The following SORCS2 variants were observed in gnomAD, a reference collection of about 807,000 sequenced individuals.
SORCS2 encodes sortilin related VPS10 domain containing receptor 2, also known as VPS10 domain-containing receptor SorCS2.
SORCS2 carries 100 observed loss-of-function variants against 141.6 expected under a neutral mutation model. The observed-to-expected ratio is 0.71, with a 90% CI of 0.60 to 0.83. The LOEUF is 0.83. SORCS2 is among the 40% of genes least tolerant of loss of function. SORCS2 has a pLI of 0.00. For missense variants in SORCS2, 1,646 were observed against 1,560.2 expected, an observed-to-expected ratio of 1.05 and a Z score of -0.93; for synonymous variants, 789 against 676.9, an observed-to-expected ratio of 1.17 and a Z score of -2.57.
intron 1 of SORCS2, among the ~76,000 whole-genome samples, chr4:7,200,322 T>G (rs895112877): frequency 6.6e-6 from 1 of 151,956 alleles, no homozygotes; most frequent in African/African-American, 2.4e-5. Flanking sequence ...TCCCCTGCCC[T>G]CCAACACATT....
chr4:7,478,213 G>A (rs761987074), intron 2 of SORCS2, among the ~76,000 whole-genome samples: 3 of 152,154 alleles, frequency 2.0e-5, no homozygotes, highest in Middle Eastern at 3.2e-3. Context: ...TGAGTATGCA[G>A]TGATGTGGGC....
intron 3 of SORCS2, among the ~76,000 whole-genome samples, chr4:7,581,024 T>G (rs1352410071): frequency 1.3e-5 from 2 of 152,116 alleles, no homozygotes. Flanking sequence ...TGTCATCATT[T>G]TACAGATGAG....
chr4:7,676,813 C>A (rs1443364362), intron 9 of SORCS2, among the ~76,000 whole-genome samples: 1 of 109,434 alleles, frequency 9.1e-6, no homozygotes, highest in African/African-American at 3.2e-5. Flanking sequence ...GTCTCTCTCT[C>A]TCTCTCTCTC....
chr4:7,483,448 A>G (rs1038157272), intron 2 of SORCS2, among the ~76,000 whole-genome samples: 2 of 152,114 alleles, frequency 1.3e-5, no homozygotes, highest in African/African-American at 4.8e-5. Context: ...ATGCTAAAAG[A>G]AAAGCATGAA....
chr4:7,737,271 G>C, intron 26 of SORCS2, 99 bp downstream of exon 26: 2 of 1,502,000 alleles, frequency 1.3e-6, no homozygotes, highest in Non-Finnish European at 1.8e-6. Flanking sequence ...CTGGGCCGCT[G>C]GGGCCAGCAA....
At chr4:7,575,107 C>T (rs1329219623) in intron 3 of SORCS2, among the ~76,000 whole-genome samples, 1 of 152,234 alleles carries the variant, frequency 6.6e-6, no homozygotes, top group Non-Finnish European at 1.5e-5. Context: ...GCCCTCTGGG[C>T]TTCATTGCCA....
intron 3 of SORCS2, among the ~76,000 whole-genome samples, chr4:7,593,084 T>C (rs4689790): frequency 0.37 from 55,811 of 151,872 alleles, 11,203 homozygotes; most frequent in East Asian, 0.82. Flanking sequence ...TCACATATGG[T>C]GGCAGTCAGG....
chr4:7,644,127 G>C (rs1055369286), intron 4 of SORCS2, among the ~76,000 whole-genome samples: 1 of 152,160 alleles, frequency 6.6e-6, no homozygotes, highest in Admixed American at 6.5e-5. Context: ...TTTTACACTA[G>C]ACCCCCCTTC....
At position 7,719,207 on chromosome 4, in the gene SORCS2, G is replaced by A. The variant is rs371008816; in HGVS notation, c.2424+1024G>A. 2.0e-4 allele frequency among the ~76,000 whole-genome samples: 30 copies of A among 152,356 alleles called. No homozygotes were observed. The Middle Eastern group carries it at 0.017, about 86-fold the overall frequency. On this transcript the variant is annotated intron_variant, in intron 18 of 26. Transcript: ENST00000507866. The stretch of plus-strand genomic sequence containing the variant: ...CTTCAAAATACGGTGCCAAGGTGGG[G>A]TGGGATGTTGGTGACAAAGGTCTTT...
chr4:7,258,461 C>A (rs142507947), intron 1 of SORCS2, among the ~76,000 whole-genome samples: 411 of 152,308 alleles, frequency 2.7e-3, no homozygotes, highest in Middle Eastern at 6.8e-3. Flanking sequence ...CCATGTCCTG[C>A]AAAGGACATG....
At chr4:7,412,223 C>T (rs1469577245) in intron 2 of SORCS2, among the ~76,000 whole-genome samples, 1 of 152,216 alleles carries the variant, frequency 6.6e-6, no homozygotes, top group Non-Finnish European at 1.5e-5. Context: ...TGTCACTCTC[C>T]TTTCCTCCCC....
chr4:7,304,159 A>G (rs565234295), intron 1 of SORCS2, among the ~76,000 whole-genome samples: 1 of 152,326 alleles, frequency 6.6e-6, no homozygotes, highest in East Asian at 1.9e-4. Context: ...AGAGCAAAAG[A>G]CCAAACCCTG....
intron 2 of SORCS2, among the ~76,000 whole-genome samples, chr4:7,514,538 A>G (rs1358672808): frequency 1.3e-5 from 2 of 151,954 alleles, no homozygotes; most frequent in Non-Finnish European, 2.9e-5. Context: ...AGGGCTGGTT[A>G]TAGAGTCATG....
intron 3 of SORCS2, among the ~76,000 whole-genome samples, chr4:7,630,190 G>A (rs1365746865): frequency 6.6e-6 from 1 of 152,148 alleles, no homozygotes; most frequent in Non-Finnish European, 1.5e-5. Context: ...CCTGGACACA[G>A]CCCAGGACTG....
At chr4:7,473,754 G>A (rs1000319356) in intron 2 of SORCS2, among the ~76,000 whole-genome samples, 4 of 152,116 alleles carry the variant, frequency 2.6e-5, no homozygotes, top group African/African-American at 7.2e-5. Flanking sequence ...TGGGGAGGTG[G>A]GAGGGTGGGC....
intron 1 of SORCS2, among the ~76,000 whole-genome samples, chr4:7,271,459 C>A (rs1007829413): frequency 1.3e-5 from 2 of 152,184 alleles, no homozygotes; most frequent in East Asian, 3.8e-4. Context: ...CCTGGAATAC[C>A]CTTCCCCACT....
intron 1 of SORCS2, among the ~76,000 whole-genome samples, chr4:7,277,708 C>A (rs896054255): frequency 2.6e-5 from 4 of 152,188 alleles, no homozygotes; most frequent in African/African-American, 9.6e-5. Context: ...TGGCCGTCTG[C>A]CCTGGCCAGT....
intron 2 of SORCS2, among the ~76,000 whole-genome samples, chr4:7,520,810 G>A (rs1001873361): frequency 5.9e-5 from 9 of 152,230 alleles, no homozygotes; most frequent in African/African-American, 2.2e-4. Context: ...CATGGGTAAC[G>A]CACAGGTGAA....
chr4:7,291,429 T>C (rs1253463742), intron 1 of SORCS2, among the ~76,000 whole-genome samples: 1 of 151,940 alleles, frequency 6.6e-6, no homozygotes, highest in Non-Finnish European at 1.5e-5. Flanking sequence ...GGGCTGGTGG[T>C]GCCGTGAGCA....
Sources: gnomAD v4.1 joint callset for allele counts (sites outside exome capture counted in the v4.1 genomes callset) on GRCh38, gnomAD v4.1.1 for gene constraint, MANE v1.5 for transcripts, NCBI Gene and HGNC (gene_info 2026-07-23, HGNC 2026-07-21) for gene names.